The following IQCM variants were observed in gnomAD, a reference collection of about 807,000 sequenced individuals.
The protein encoded by IQCM is IQ motif containing M.
In IQCM, 45 loss-of-function variants were observed where a neutral mutation model predicts 57.6. That is an observed-to-expected ratio of 0.78 (90% CI 0.62 to 1.00). The LOEUF (loss-of-function observed/expected upper bound fraction) is 1.00, where lower values mean the gene tolerates loss of function less well. IQCM is among the 50% of genes least tolerant of loss of function. The pLI, the probability that IQCM is intolerant of heterozygous loss-of-function variation, is 0.00. For missense variants in IQCM, 468 were observed against 511.6 expected (o/e 0.91, Z 0.82); for synonymous variants, 148 against 158.9 (o/e 0.93, Z 0.51).
intron 9 of IQCM, among the ~76,000 whole-genome samples, chr4:149,577,355 A>G (rs967728352): frequency 5.3e-5 from 8 of 151,888 alleles, no homozygotes; most frequent in Non-Finnish European, 1.5e-5. Flanking sequence ...AGAATTTTTT[A>G]TACTTTTAGG....
intron 7 of IQCM, among the ~76,000 whole-genome samples, chr4:149,655,726 A>C (rs1759581370): frequency 6.6e-6 from 1 of 152,122 alleles, no homozygotes; most frequent in South Asian, 2.1e-4. Context: ...AATAGTGAGA[A>C]ACACCAAATT....
chr4:149,558,060 A>G (rs1262399605), intron 10 of IQCM, among the ~76,000 whole-genome samples: 1 of 152,142 alleles, frequency 6.6e-6, no homozygotes, highest in Non-Finnish European at 1.5e-5. Flanking sequence ...AAGTTCCTTG[A>G]TCTAGCACAT....
At chr4:149,532,241 G>T (rs976129847) in intron 12 of IQCM, among the ~76,000 whole-genome samples, 16 of 152,010 alleles carry the variant, frequency 1.1e-4, no homozygotes, top group African/African-American at 3.9e-4. Context: ...AAATATAAGA[G>T]CAGCAATATG....
At chr4:149,701,143 T>C (rs1763739342) in intron 5 of IQCM, among the ~76,000 whole-genome samples, 1 of 151,952 alleles carries the variant, frequency 6.6e-6, no homozygotes, top group Non-Finnish European at 1.5e-5. Flanking sequence ...TCAATAATAT[T>C]TTGAGAACTG....
chr4:149,688,625 A>C, intron 5 of IQCM, among the ~76,000 whole-genome samples: 1 of 152,144 alleles, frequency 6.6e-6, no homozygotes, highest in Admixed American at 6.6e-5. Flanking sequence ...ATATGGAACC[A>C]AAAAGAGCCT....
At chr4:149,409,703 C>G (rs1733235025) in intron 13 of IQCM, among the ~76,000 whole-genome samples, 1 of 152,162 alleles carries the variant, frequency 6.6e-6, no homozygotes, top group South Asian at 2.1e-4. Flanking sequence ...TATTCCTGTT[C>G]TCCCTGGTGT....
intron 9 of IQCM, among the ~76,000 whole-genome samples, chr4:149,580,451 G>T (rs1752073757): frequency 6.6e-6 from 1 of 151,762 alleles, no homozygotes; most frequent in Admixed American, 6.6e-5. Flanking sequence ...TACACAAAAA[G>T]AATAATTCAT....
intron 12 of IQCM, among the ~76,000 whole-genome samples, chr4:149,504,554 G>A (rs547343897): frequency 6.6e-6 from 1 of 151,962 alleles, no homozygotes; most frequent in East Asian, 1.9e-4. Context: ...ATTAAGAGGT[G>A]GGGCCTTTGG....
At chr4:149,429,584 A>G (rs1299508684) in intron 13 of IQCM, among the ~76,000 whole-genome samples, 1 of 151,902 alleles carries the variant, frequency 6.6e-6, no homozygotes, top group African/African-American at 2.4e-5. Context: ...TCGTAACTCT[A>G]TTTACTCCTT....
intron 12 of IQCM, among the ~76,000 whole-genome samples, chr4:149,445,655 A>T (rs903164413): frequency 6.6e-6 from 1 of 151,756 alleles, no homozygotes; most frequent in African/African-American, 2.4e-5. Context: ...AAAAGGTTTC[A>T]TGACTTCAGC....
At chr4:149,527,572 T>C (rs1746285625) in intron 12 of IQCM, among the ~76,000 whole-genome samples, 1 of 152,180 alleles carries the variant, frequency 6.6e-6, no homozygotes. Flanking sequence ...TATATATTTA[T>C]TGTTTAAGCC....
intron 5 of IQCM, among the ~76,000 whole-genome samples, chr4:149,723,099 G>T (rs751324887): frequency 6.6e-5 from 10 of 152,152 alleles, no homozygotes; most frequent in Non-Finnish European, 1.3e-4. Flanking sequence ...GTCATTGTTG[G>T]TGTATAGCAG....
At chr4:149,622,270 A>G (rs1279107373) in intron 7 of IQCM, among the ~76,000 whole-genome samples, 1 of 152,188 alleles carries the variant, frequency 6.6e-6, no homozygotes, top group African/African-American at 2.4e-5. Context: ...ACTCTTTCAA[A>G]AAGGCAAAAT....
chr4:149,812,480 T>TCACACACA lies in IQCM; in HGVS notation c.-49+2823_-49+2830dup, dbSNP rs1412777680. 4.8e-3 allele frequency among the ~76,000 whole-genome samples: 673 copies of TCACACACA among 138,864 alleles called. 8 individuals are homozygous for TCACACACA. Among genetic ancestry groups the TCACACACA allele is most frequent in the South Asian group, 0.011 (47 of 4,292 alleles). The allele number at this position is 138,864 out of a possible 152,430, so 91.1% of individuals were successfully genotyped here. A position where few individuals can be genotyped will look rare whatever the true frequency, so the allele number is the denominator to read the frequency against. ...AGATCTCTCTCTCTCTCTCTCTCTCTCACACACACACACACACACACAGAC... is the reference window on the plus strand; with the variant it reads ...AGATCTCTCTCTCTCTCTCTCTCTCTCACACACACACACACACACACACACACACAGAC... On this transcript the variant is annotated intron_variant, in intron 2 of 13. Coordinates refer to ENST00000636793, the MANE Select transcript of IQCM (RefSeq NM_001363507.2).
chr4:149,666,655 C>T (rs1273078680), intron 7 of IQCM, among the ~76,000 whole-genome samples: 1 of 152,140 alleles, frequency 6.6e-6, no homozygotes, highest in African/African-American at 2.4e-5. Context: ...CCCTACAGAG[C>T]CCAACAAGCT....
At chr4:149,573,793 A>G (rs1751387199) in intron 9 of IQCM, among the ~76,000 whole-genome samples, 1 of 151,886 alleles carries the variant, frequency 6.6e-6, no homozygotes, top group East Asian at 1.9e-4. Flanking sequence ...ATTAAAATTA[A>G]AAAAAATAGT....
rs190872426 is a variant in IQCM at position 149,522,888 on chromosome 4, C to T, written c.1228+25567G>A. On this transcript the variant is annotated intron_variant, in intron 12 of 13. Coordinates refer to ENST00000636793, the MANE Select transcript of IQCM (RefSeq NM_001363507.2). The stretch of plus-strand genomic sequence containing the variant: ...GGTATATCCTGGTAAAATTCCTGAA[C>T]CCCAAAGATAAAAGAAAAAATTTGT... Among the ~76,000 whole-genome samples the T allele has an allele frequency of 1.4e-4, 22 of 152,150 alleles. 1 individual carries two copies. The highest frequency in any genetic ancestry group is 5.1e-4 in the African/African-American group (21 of 41,520).
At chr4:149,403,637 C>T (rs1175587316) in intron 13 of IQCM, among the ~76,000 whole-genome samples, 1 of 151,820 alleles carries the variant, frequency 6.6e-6, no homozygotes, top group Non-Finnish European at 1.5e-5. Flanking sequence ...GTCTTTCACT[C>T]ATCCTATGAA....
intron 5 of IQCM, among the ~76,000 whole-genome samples, chr4:149,692,902 CA>C (rs1399604110): frequency 1.3e-5 from 2 of 151,054 alleles, no homozygotes; most frequent in Admixed American, 6.6e-5. Context: ...GAGACCAGGG[CA>C]AAAAAACAGA....
Sources: allele counts gnomAD v4.1 joint callset (sites outside exome capture counted in the v4.1 genomes callset), GRCh38; gene constraint gnomAD v4.1.1; transcripts MANE v1.5; gene names NCBI Gene and HGNC (gene_info 2026-07-23, HGNC 2026-07-21).